CDIN1: variants seen among roughly 807,000 people sequenced by gnomAD.
CDIN1 encodes CDAN1 interacting nuclease 1, also known as CDAN1-interacting nuclease 1.
Under a neutral mutation model 45.3 loss-of-function variants are expected in CDIN1, and 33 were observed. The ratio of observed to expected loss-of-function variants is 0.73; its 90% CI spans 0.55 to 0.97. The LOEUF (loss-of-function observed/expected upper bound fraction) is 0.97. CDIN1 is among the 50% of genes least tolerant of loss of function. CDIN1 has a pLI of 0.00. For synonymous variants in CDIN1, 118 were observed against 124.4 expected (o/e 0.95, Z 0.34); for missense variants, 303 against 339.4 (o/e 0.89, Z 0.84).
At chr15:36,783,135 C>G (rs28384204) in intron 10 of CDIN1, among the ~76,000 whole-genome samples, 26,635 of 152,116 alleles carry the variant, frequency 0.18, 4,304 homozygotes, top group African/African-American at 0.43. Flanking sequence ...TTTTAAGACT[C>G]TGTAAAGCTA....
Position 36,658,267 on chromosome 15 carries a change from C to T in CDIN1, c.346+362C>T, listed in dbSNP as rs181440387. ...CCTTTTTATTTTAATTCAGCAAGAC[C>T]GGAGAAATACTACTTCCAAATGCAA... On this transcript the variant is annotated intron_variant, in intron 5 of 10. Transcript: ENST00000566621. 11 of 159,816 alleles carry T rather than the reference C, an allele frequency of 6.9e-5. No homozygotes were observed. The East Asian group carries it at 1.4e-3, about 20-fold the overall frequency. The allele number at this position is 159,816 out of a possible 1,614,324, so 9.9% of individuals were successfully genotyped here.
chr15:36,733,207 A>T (rs1268111717), intron 10 of CDIN1, among the ~76,000 whole-genome samples: 1 of 152,118 alleles, frequency 6.6e-6, no homozygotes, highest in African/African-American at 2.4e-5. Flanking sequence ...AGTTACAGAT[A>T]TAATTTCCCA....
rs149284207 is a variant in CDIN1, at chr15:36,697,741, T to C, written c.544+351T>C. 7.4e-3 allele frequency among the ~76,000 whole-genome samples: 1,127 copies of C among 152,286 alleles called. 10 individuals are homozygous for C. The highest frequency in any genetic ancestry group is 0.026 in the African/African-American group (1,072 of 41,574). On this transcript the variant is annotated intron_variant, in intron 8 of 10. Coordinates refer to ENST00000566621, the MANE Select transcript of CDIN1 (RefSeq NM_001321759.2). ...TGTTTTATATATTAAAAAGAACAGT[T>C]AGAAAAATTCATGTTGGGTATATTT...
At chr15:36,716,300 G>A (rs985175346) in intron 10 of CDIN1, among the ~76,000 whole-genome samples, 1 of 152,126 alleles carries the variant, frequency 6.6e-6, no homozygotes, top group African/African-American at 2.4e-5. Flanking sequence ...GTATAGCTCA[G>A]AAATCTTACA....
chr15:36,617,687 T>C lies in CDIN1; in HGVS notation c.102-26591T>C. On this transcript the variant is annotated intron_variant, in intron 1 of 10. Coordinates refer to ENST00000566621, the MANE Select transcript of CDIN1 (RefSeq NM_001321759.2). ...GTGAGCCAAGTCATAAGCGTTGTAT[T>C]GTGATTCTTAGAGAGATTCCTGAAA... 3 of 771,552 alleles carry C rather than the reference T, an allele frequency of 3.9e-6. No individual in the cohort carries two copies. In the South Asian group the frequency reaches 4.0e-5, roughly 10 times the overall value. The allele number at this position is 771,552 out of a possible 1,614,324, so 47.8% of individuals were successfully genotyped here.
Position 36,593,779 on chromosome 15 carries a change from T to C in CDIN1, c.101+13818T>C, listed in dbSNP as rs962594006. 3.7e-4 allele frequency among the ~76,000 whole-genome samples: 57 copies of C among 152,122 alleles called. 1 individual carries two copies. Among genetic ancestry groups the C allele is most frequent in the Non-Finnish European group, 6.5e-4 (44 of 68,016 alleles). The stretch of plus-strand genomic sequence containing the variant: ...CAGGGTTTCACTGTGTTAGCCAGGA[T>C]GGTCTCGATCTCCTGACCTTGTGAT... On this transcript the variant is annotated intron_variant, in intron 1 of 10. Transcript: ENST00000566621.
intron 5 of CDIN1, among the ~76,000 whole-genome samples, chr15:36,664,112 G>A (rs2041140557): frequency 1.3e-5 from 2 of 152,194 alleles, no homozygotes; most frequent in South Asian, 4.1e-4. Flanking sequence ...ATGCATCTGA[G>A]ATTTAAAAGT....
intron 7 of CDIN1, among the ~76,000 whole-genome samples, chr15:36,693,425 T>C (rs1412047728): frequency 6.6e-6 from 1 of 152,210 alleles, no homozygotes; most frequent in East Asian, 1.9e-4. Context: ...TGTTAGAAAC[T>C]GTAGGAGTAC....
chr15:36,654,164 G>A lies in CDIN1; in HGVS notation c.273+6G>A, dbSNP rs2040687740. On this transcript the variant is annotated splice_donor_region_variant and intron_variant, in intron 4 of 10. Coordinates refer to ENST00000566621, the MANE Select transcript of CDIN1 (RefSeq NM_001321759.2). ...TCCTGGACCTGGCCAATGAGGTAAT[G>A]TTATTGTTATGATTTTATTTAAACC... The A allele has an allele frequency of 6.4e-7, 1 of 1,562,174 alleles. No individual in the cohort carries two copies. Among genetic ancestry groups the A allele is most frequent in the Admixed American group, 1.9e-5 (1 of 52,408 alleles).
chr15:36,759,051 T>G (rs8024544), intron 10 of CDIN1, among the ~76,000 whole-genome samples: 1 of 151,816 alleles, frequency 6.6e-6, no homozygotes, highest in Non-Finnish European at 1.5e-5. Context: ...ACATCCACTT[T>G]GTTCAGTGGT....
chr15:36,793,392 G>A (rs1317071090), intron 10 of CDIN1, among the ~76,000 whole-genome samples: 3 of 152,042 alleles, frequency 2.0e-5, no homozygotes, highest in African/African-American at 2.4e-5. Flanking sequence ...CTAGAAGTAA[G>A]TAGAGCCAGG....
chr15:36,584,398 G>A (rs532269517), intron 1 of CDIN1, among the ~76,000 whole-genome samples: 3 of 152,302 alleles, frequency 2.0e-5, no homozygotes, highest in South Asian at 4.1e-4. Flanking sequence ...ACGTGCCACT[G>A]CAGTCCAGCC....
intron 10 of CDIN1, among the ~76,000 whole-genome samples, chr15:36,714,197 CAGTCCTATTTCATGAA>C (rs1288556966): frequency 6.6e-6 from 1 of 152,114 alleles, no homozygotes; most frequent in Non-Finnish European, 1.5e-5. Context: ...TAGACTTTTG[CAGTCCTATTTCATGAA>C]ATAGAGCATA....
intron 1 of CDIN1, among the ~76,000 whole-genome samples, chr15:36,580,649 G>T (rs889199155): frequency 3.9e-5 from 6 of 152,170 alleles, no homozygotes; most frequent in African/African-American, 1.4e-4. Flanking sequence ...AAAGGACTTT[G>T]GGAATTATGT....
chr15:36,644,216 C>G lies in CDIN1; in HGVS notation c.102-62C>G. The G allele has an allele frequency of 2.0e-6, 3 of 1,517,660 alleles. No individual in the cohort carries two copies. In the East Asian group the frequency reaches 6.8e-5, roughly 34 times the overall value. The allele number at this position is 1,517,660 out of a possible 1,614,324, so 94.0% of individuals were successfully genotyped here. ...GCAGGCCTACCTTTGAAGCTCCTTT[C>G]TCTTTTGTTTCTTTGCCGTGCACTC... On this transcript the variant is annotated intron_variant, in intron 1 of 10. Transcript: ENST00000566621.
intron 10 of CDIN1, among the ~76,000 whole-genome samples, chr15:36,732,126 G>A (rs951966754): frequency 6.6e-6 from 1 of 152,100 alleles, no homozygotes; most frequent in African/African-American, 2.4e-5. Context: ...AATGTCCCAG[G>A]ACTTCCTTTG....
intron 10 of CDIN1, among the ~76,000 whole-genome samples, chr15:36,783,355 T>A (rs1241230584): frequency 6.6e-6 from 1 of 152,112 alleles, no homozygotes; most frequent in Non-Finnish European, 1.5e-5. Context: ...TAGCTTTTTT[T>A]TTTTTAATGC....
intron 5 of CDIN1, among the ~76,000 whole-genome samples, chr15:36,688,071 T>C (rs2042122423): frequency 6.6e-6 from 1 of 151,804 alleles, no homozygotes; most frequent in East Asian, 1.9e-4. Flanking sequence ...AAATTGAAAA[T>C]GAATTTTATA....
At chr15:36,602,758 G>GTCAGGAGATCGAGGC (rs2038168550) in intron 1 of CDIN1, among the ~76,000 whole-genome samples, 3 of 152,254 alleles carry the variant, frequency 2.0e-5, no homozygotes, top group African/African-American at 7.2e-5. Flanking sequence ...AGATCACGAG[G>GTCAGGAGATCGAGGC]TCAGGAGATC....
Sources: gnomAD v4.1 joint callset for allele counts (sites outside exome capture counted in the v4.1 genomes callset) on GRCh38, gnomAD v4.1.1 for gene constraint, MANE v1.5 for transcripts, NCBI Gene and HGNC (gene_info 2026-07-23, HGNC 2026-07-21) for gene names.